Variants in NALF1 observed in about 807,000 individuals in gnomAD.
NALF1 encodes family with sequence similarity 155 member A.
A neutral mutation model predicts 48.4 loss-of-function variants in NALF1; 3 were observed. The ratio of observed to expected loss-of-function variants is 0.06; its 90% CI spans 0.03 to 0.16. The LOEUF (loss-of-function observed/expected upper bound fraction) is 0.16, where lower values mean the gene tolerates loss of function less well. NALF1 is among the 10% of genes least tolerant of loss of function. The pLI is 1.00. For synonymous variants in NALF1, 262 were observed against 245.7 expected (o/e 1.07, Z -0.62); for missense variants, 526 against 571.5 (o/e 0.92, Z 0.81).
At chr13:107,773,720 G>T (rs1877644545) in intron 1 of NALF1, among the ~76,000 whole-genome samples, 1 of 52,558 alleles carries the variant, frequency 1.9e-5, no homozygotes, top group African/African-American at 7.2e-5. Context: ...CGCACACCAG[G>T]GACTGTTGTG....
chr13:107,322,094 CTG>C (rs937714678), intron 1 of NALF1, among the ~76,000 whole-genome samples: 25 of 152,238 alleles, frequency 1.6e-4, no homozygotes, highest in African/African-American at 4.6e-4. Flanking sequence ...GGCGAGATCT[CTG>C]TATTTTTCCA....
Position 107,184,760 on chromosome 13 carries a change from T to A in NALF1, c.1088-13974A>T, listed in dbSNP as rs116381000. Among the ~76,000 whole-genome samples, 781 of 152,320 alleles carry A rather than the reference T, an allele frequency of 5.1e-3. 7 individuals are homozygous for A. Among genetic ancestry groups the A allele is most frequent in the African/African-American group, 0.017 (710 of 41,564 alleles). On this transcript the variant is annotated intron_variant, in intron 2 of 2. Transcript: ENST00000375915. ...AGTAATTTGTCTCAAATATATGCTA[T>A]TATTTTGTTTCTGAATTCCTGTTTT... is the stretch of plus-strand genomic sequence containing the variant.
intron 1 of NALF1, among the ~76,000 whole-genome samples, chr13:107,723,794 C>T (rs974026399): frequency 1.8e-4 from 27 of 152,336 alleles, no homozygotes; most frequent in African/African-American, 6.5e-4. Context: ...CGGAGTGAAA[C>T]TGTTGTCTAG....
intron 1 of NALF1, among the ~76,000 whole-genome samples, chr13:107,610,864 C>A (rs536964198): frequency 6.6e-6 from 1 of 152,158 alleles, no homozygotes; most frequent in East Asian, 1.9e-4. Context: ...CAGTGGGGGA[C>A]CAGGGGCTGG....
intron 1 of NALF1, among the ~76,000 whole-genome samples, chr13:107,852,278 G>A (rs1880339822): frequency 6.6e-6 from 1 of 152,056 alleles, no homozygotes; most frequent in South Asian, 2.1e-4. Flanking sequence ...AATGCTTGAT[G>A]ACTTACTCCT....
chr13:107,496,184 C>T (rs983929881), intron 1 of NALF1, among the ~76,000 whole-genome samples: 5 of 152,020 alleles, frequency 3.3e-5, no homozygotes, highest in African/African-American at 1.2e-4. Flanking sequence ...AAAGTATTTT[C>T]CCTGAGAAAG....
intron 1 of NALF1, among the ~76,000 whole-genome samples, chr13:107,775,287 T>A (rs901779189): frequency 1.6e-4 from 23 of 145,352 alleles, no homozygotes; most frequent in African/African-American, 5.6e-4. Flanking sequence ...TTCCCACCTA[T>A]GAGTGAGAAT....
intron 1 of NALF1, among the ~76,000 whole-genome samples, chr13:107,636,887 ATATAT>A (rs67586898): frequency 0.31 from 45,489 of 147,790 alleles, 7,761 homozygotes; most frequent in Admixed American, 0.41. Flanking sequence ...TCTATATTAT[ATATAT>A]TATATTATAT....
At chr13:107,494,262 T>G (rs1168245666) in intron 1 of NALF1, among the ~76,000 whole-genome samples, 4 of 152,190 alleles carry the variant, frequency 2.6e-5, no homozygotes, top group African/African-American at 9.7e-5. Context: ...AATTCAATAA[T>G]TTGGGTAGCT....
At chr13:107,823,312 C>G (rs1879411063) in intron 1 of NALF1, among the ~76,000 whole-genome samples, 1 of 152,182 alleles carries the variant, frequency 6.6e-6, no homozygotes, top group Non-Finnish European at 1.5e-5. Context: ...GACCCTCACC[C>G]TTGCTCACAC....
chr13:107,686,600 G>A (rs1442683008), intron 1 of NALF1, among the ~76,000 whole-genome samples: 1 of 151,996 alleles, frequency 6.6e-6, no homozygotes, highest in East Asian at 1.9e-4. Flanking sequence ...CACCGTGTTG[G>A]CCAGGATGGT....
intron 1 of NALF1, among the ~76,000 whole-genome samples, chr13:107,505,843 T>C (rs1875681249): frequency 6.6e-6 from 1 of 152,220 alleles, no homozygotes; most frequent in Non-Finnish European, 1.5e-5. Context: ...TTTAGTCTTA[T>C]TATCTCCATT....
chr13:107,732,162 T>A (rs571703459), intron 1 of NALF1, among the ~76,000 whole-genome samples: 25 of 152,144 alleles, frequency 1.6e-4, no homozygotes, highest in Non-Finnish European at 3.4e-4. Flanking sequence ...CCAGATTTCA[T>A]TCACTTGAAA....
chr13:107,571,143 T>C (rs1877975330), intron 1 of NALF1, among the ~76,000 whole-genome samples: 1 of 152,222 alleles, frequency 6.6e-6, no homozygotes, highest in Admixed American at 6.5e-5. Context: ...TCCTGACACT[T>C]AAATCATAAA....
intron 1 of NALF1, among the ~76,000 whole-genome samples, chr13:107,414,582 C>T (rs987435706): frequency 4.0e-5 from 6 of 151,230 alleles, no homozygotes; most frequent in Non-Finnish European, 8.9e-5. Context: ...ACTATTTTCC[C>T]GATTAGATTT....
rs113081388 is a variant in NALF1, at chr13:107,675,713, C to G, written c.915+189969G>C. 2.6e-5 allele frequency among the ~76,000 whole-genome samples: 4 copies of G among 152,084 alleles called. No individual in the cohort carries two copies. In the South Asian group the frequency reaches 8.3e-4, roughly 31 times the overall value. On this transcript the variant is annotated intron_variant, in intron 1 of 2. Coordinates refer to ENST00000375915, the MANE Select transcript of NALF1 (RefSeq NM_001080396.3). The stretch of plus-strand genomic sequence containing the variant: ...TACTGCTGCCTGGTTCTATCACCAA[C>G]GTTTTAAATACTGGTATTAGCGCAT...
At chr13:107,847,937 C>A (rs1880214598) in intron 1 of NALF1, among the ~76,000 whole-genome samples, 1 of 151,938 alleles carries the variant, frequency 6.6e-6, no homozygotes, top group Non-Finnish European at 1.5e-5. Context: ...GAAAAATAAA[C>A]TGAACCTGCT....
At position 107,660,491 on chromosome 13, in the gene NALF1, G is replaced by A. The variant is rs1368170928; in HGVS notation, c.915+205191C>T. Among the ~76,000 whole-genome samples the A allele has an allele frequency of 4.5e-4, 49 of 109,142 alleles. No homozygotes were observed. The East Asian group carries it at 5.9e-3, about 13-fold the overall frequency. The allele number at this position is 109,142 out of a possible 152,430, so 71.6% of individuals were successfully genotyped here. On this transcript the variant is annotated intron_variant, in intron 1 of 2. Transcript: ENST00000375915. Reference sequence around the variant, plus strand: ...CACACACACACACACACACAACAAAGAAACAAAAAAACAAACAAAACAAAT... The same window carrying A: ...CACACACACACACACACACAACAAAAAAACAAAAAAACAAACAAAACAAAT...
chr13:107,743,359 C>T (rs1369173844), intron 1 of NALF1, among the ~76,000 whole-genome samples: 1 of 152,144 alleles, frequency 6.6e-6, no homozygotes, highest in African/African-American at 2.4e-5. Context: ...CAGCCTGTGA[C>T]AAGAAACTTA....
Sources: allele counts gnomAD v4.1 joint callset (sites outside exome capture counted in the v4.1 genomes callset), GRCh38; gene constraint gnomAD v4.1.1; transcripts MANE v1.5; gene names NCBI Gene and HGNC (gene_info 2026-07-23, HGNC 2026-07-21).